PRKCH: variants seen among roughly 807,000 people sequenced by gnomAD.
PRKCH encodes the protein protein kinase C eta.
A neutral mutation model predicts 82.5 loss-of-function variants in PRKCH; 28 were observed. That is an observed-to-expected ratio of 0.34 (90% CI 0.25 to 0.47). PRKCH has a LOEUF of 0.47. Ranked by LOEUF, PRKCH falls within the 20% of genes least tolerant of loss-of-function variation. The pLI is 1.00. For synonymous variants in PRKCH, 322 were observed against 327.4 expected (o/e 0.98, Z 0.18); for missense variants, 705 against 881.8 (o/e 0.80, Z 2.54).
intron 2 of PRKCH, among the ~76,000 whole-genome samples, chr14:61,393,589 C>T (rs1478011136): frequency 6.6e-6 from 1 of 152,228 alleles, no homozygotes; most frequent in East Asian, 1.9e-4. Flanking sequence ...AGCATCCTAG[C>T]TCTTGCTCCT....
intron 4 of PRKCH, among the ~76,000 whole-genome samples, chr14:61,445,960 T>C (rs1884200845): frequency 6.6e-6 from 1 of 152,186 alleles, no homozygotes; most frequent in Non-Finnish European, 1.5e-5. Flanking sequence ...TAAATTTTCA[T>C]TGTTTAAAGT....
intron 1 of PRKCH, among the ~76,000 whole-genome samples, chr14:61,276,079 T>C (rs551530894): frequency 3.9e-4 from 60 of 152,222 alleles, no homozygotes; most frequent in African/African-American, 1.4e-3. Flanking sequence ...ATTAGAAAAA[T>C]TGGCAAATTC....
intron 1 of PRKCH, among the ~76,000 whole-genome samples, chr14:61,366,911 G>C (rs1186764146): frequency 6.6e-6 from 1 of 151,988 alleles, no homozygotes; most frequent in African/African-American, 2.4e-5. Context: ...CTCTGTCTAG[G>C]GATGTGGCTC....
chr14:61,384,528 CACCAGG>C (rs2046558572), intron 1 of PRKCH, among the ~76,000 whole-genome samples: 1 of 152,012 alleles, frequency 6.6e-6, no homozygotes, highest in South Asian at 2.1e-4. Flanking sequence ...CAGGACAGAG[CACCAGG>C]ACCCAGGTCT....
intron 1 of PRKCH, among the ~76,000 whole-genome samples, chr14:61,346,430 G>C (rs2045992837): frequency 6.6e-6 from 1 of 152,220 alleles, no homozygotes; most frequent in Non-Finnish European, 1.5e-5. Flanking sequence ...AGTAACTTGA[G>C]ATAGTGTGTC....
intron 1 of PRKCH, among the ~76,000 whole-genome samples, chr14:61,296,159 C>A (rs915959537): frequency 6.6e-6 from 1 of 152,084 alleles, no homozygotes; most frequent in Non-Finnish European, 1.5e-5. Context: ...TTTAAAATTC[C>A]TTTTTCAAAT....
chr14:61,314,315 A>C (rs2140111504), intron 1 of PRKCH, among the ~76,000 whole-genome samples: 1 of 152,352 alleles, frequency 6.6e-6, no homozygotes, highest in East Asian at 1.9e-4. Context: ...ATTGCTAGAA[A>C]GGCACTTAGA....
At chr14:61,531,429 A>G (rs1414566518) in intron 12 of PRKCH, among the ~76,000 whole-genome samples, 1 of 152,236 alleles carries the variant, frequency 6.6e-6, no homozygotes, top group Non-Finnish European at 1.5e-5. Flanking sequence ...ACTATCCTTA[A>G]GTTATATCCT....
At chr14:61,195,054 T>G (rs2044431487) in intron 1 of PRKCH, among the ~76,000 whole-genome samples, 1 of 152,234 alleles carries the variant, frequency 6.6e-6, no homozygotes. Context: ...TTTTAAACAG[T>G]CAATATTCAT....
At chr14:61,519,475 T>C (rs1429574054) in intron 10 of PRKCH, among the ~76,000 whole-genome samples, 1 of 152,036 alleles carries the variant, frequency 6.6e-6, no homozygotes, top group East Asian at 1.9e-4. Context: ...TCATCCCAGG[T>C]AGCTGCTGGG....
intron 13 of PRKCH, among the ~76,000 whole-genome samples, chr14:61,548,290 G>A (rs962661541): frequency 4.6e-5 from 7 of 152,246 alleles, no homozygotes; most frequent in African/African-American, 9.6e-5. Context: ...AAGCAGAGTG[G>A]GTAGGAGATG....
At chr14:61,296,019 A>G (rs1215107592) in intron 1 of PRKCH, among the ~76,000 whole-genome samples, 1 of 152,220 alleles carries the variant, frequency 6.6e-6, no homozygotes, top group African/African-American at 2.4e-5. Context: ...TTCATTCCCC[A>G]AAGAACTTGA....
intron 1 of PRKCH, among the ~76,000 whole-genome samples, chr14:61,286,722 G>A (rs1038315707): frequency 2.0e-5 from 3 of 152,106 alleles, no homozygotes; most frequent in Non-Finnish European, 4.4e-5. Context: ...GTTGCGGTGA[G>A]CCGAGATCAC....
chr14:61,377,624 G>C (rs1042766500), intron 1 of PRKCH, among the ~76,000 whole-genome samples: 16 of 152,158 alleles, frequency 1.1e-4, no homozygotes, highest in African/African-American at 3.6e-4. Flanking sequence ...TAACTAAAGG[G>C]TTGTGACTGT....
At chr14:61,188,413 G>C (rs1417047392) in intron 1 of PRKCH, among the ~76,000 whole-genome samples, 1 of 150,636 alleles carries the variant, frequency 6.6e-6, no homozygotes, top group Non-Finnish European at 1.5e-5. Flanking sequence ...GGCAGTTCTG[G>C]CTCCGGCTCT....
At chr14:61,240,365 C>A (rs2044826373) in intron 1 of PRKCH, among the ~76,000 whole-genome samples, 1 of 152,106 alleles carries the variant, frequency 6.6e-6, no homozygotes, top group Non-Finnish European at 1.5e-5. Flanking sequence ...GTTTAACCAG[C>A]TGTGTCATTC....
At chr14:61,480,736 C>T (rs1885933454) in intron 9 of PRKCH, among the ~76,000 whole-genome samples, 1 of 152,134 alleles carries the variant, frequency 6.6e-6, no homozygotes, top group Admixed American at 6.6e-5. Flanking sequence ...TTGTGGGTGA[C>T]CTGTGAAAGC....
chr14:61,203,415 A>G (rs1257942480), intron 1 of PRKCH, among the ~76,000 whole-genome samples: 1 of 152,144 alleles, frequency 6.6e-6, no homozygotes, highest in East Asian at 1.9e-4. Flanking sequence ...AGAAGCAGAT[A>G]ATGCCAGGAA....
In PRKCH at chr14:61,529,003, T is replaced by C. The variant is rs977093336; in HGVS notation, c.1434-72T>C. The C allele has an allele frequency of 1.2e-5, 18 of 1,463,224 alleles. No individual in the cohort carries two copies. In the African/African-American group the frequency reaches 2.0e-4, roughly 16 times the overall value. The allele number at this position is 1,463,224 out of a possible 1,614,324, so 90.6% of individuals were successfully genotyped here. ...GTGTGTGTGTGTGTGTGTGTGTGTGTGTGCCCATTCTGAGAGGTGGATGGT... is the reference window on the plus strand; with the variant it reads ...GTGTGTGTGTGTGTGTGTGTGTGTGCGTGCCCATTCTGAGAGGTGGATGGT... On this transcript the variant is annotated intron_variant, in intron 10 of 13. Coordinates refer to ENST00000332981, the MANE Select transcript of PRKCH (RefSeq NM_006255.5).
Sources: gnomAD v4.1 joint callset for allele counts (sites outside exome capture counted in the v4.1 genomes callset) on GRCh38, gnomAD v4.1.1 for gene constraint, MANE v1.5 for transcripts, NCBI Gene and HGNC (gene_info 2026-07-23, HGNC 2026-07-21) for gene names.